CRAMP1: variants seen among roughly 807,000 people sequenced by gnomAD.
CRAMP1 encodes cramped chromatin regulator 1, also known as protein cramped-like.
CRAMP1 carries 50 observed loss-of-function variants against 115.4 expected under a neutral mutation model. The ratio of observed to expected loss-of-function variants is 0.43; its 90% confidence interval spans 0.35 to 0.55. The LOEUF is 0.55. Among genes scored for constraint, CRAMP1 ranks in the 20% least tolerant of loss-of-function variants. CRAMP1 has a pLI of 0.01. For missense variants in CRAMP1, 1,679 were observed against 1,721.7 expected, an observed-to-expected ratio of 0.98 and a Z score of 0.44; for synonymous variants, 866 against 745.4, an observed-to-expected ratio of 1.16 and a Z score of -2.64.
At chr16:1,654,675 C>T (rs945230497) in intron 8 of CRAMP1, among the ~76,000 whole-genome samples, 12 of 152,292 alleles carry the variant, frequency 7.9e-5, no homozygotes, top group East Asian at 1.9e-4. Context: ...CTCCCACGGC[C>T]GCCGGCACCT....
intron 4 of CRAMP1, among the ~76,000 whole-genome samples, chr16:1,637,574 G>A (rs554015396): frequency 6.6e-6 from 1 of 152,236 alleles, no homozygotes; most frequent in East Asian, 1.9e-4. Flanking sequence ...TCCTCCAGGG[G>A]ACATTTCCTC....
intron 10 of CRAMP1, 98 bp downstream of exon 10, chr16:1,657,090 G>A (rs2036783004): frequency 1.8e-6 from 2 of 1,131,912 alleles, no homozygotes; most frequent in African/African-American, 3.1e-5. Context: ...GCACGGTTGG[G>A]GTCCAGATGA....
intron 4 of CRAMP1, among the ~76,000 whole-genome samples, chr16:1,635,707 T>G (rs1596486362): frequency 6.6e-6 from 1 of 152,248 alleles, no homozygotes; most frequent in African/African-American, 2.4e-5. Context: ...ATTCACCCTT[T>G]TAAAGCATAC....
chr16:1,613,988 G>C (rs1377521105), intron 1 of CRAMP1, among the ~76,000 whole-genome samples: 1 of 151,838 alleles, frequency 6.6e-6, no homozygotes, highest in Non-Finnish European at 1.5e-5. Flanking sequence ...TTCCCCGTGC[G>C]GGCAGGCGAG....
In CRAMP1 at chr16:1,656,692, C is replaced by G; in HGVS notation, c.1935C>G (p.Ser645Arg). 3 of 1,561,774 alleles carry G rather than the reference C, an allele frequency of 1.9e-6. No homozygotes were observed. The highest frequency in any genetic ancestry group is 2.4e-5 in the East Asian group (1 of 41,570). ...CGGAGGAGCTCCAGGAGAAGGGGAG[C>G]CCCGCGGGGCCTCCGCCGTCTCAGG... Reference protein sequence around the residue: ...APAEELQEKGSPAGPPPSQGQ... With the variant: ...APAEELQEKGRPAGPPPSQGQ... Residue 645 changes from serine (S) to arginine (R), a missense_variant, in exon 10 of 21, where the codon AGC becomes AGG. By Grantham distance (110) the Ser-to-Arg change is moderately radical. This residue lies in a region of CRAMP1 where 405 missense variants were observed against 302.6 expected (regional missense o/e 1.34). Transcript: ENST00000397412. This position sits in a 1 kb window ranked among gnomAD's most constrained non-coding sequence, Gnocchi z 5.6.
At position 1,625,953 on chromosome 16, in the gene CRAMP1, T is replaced by C. The variant is rs1220616635; in HGVS notation, c.347-20T>C. ...GCCAGCTTTCTGGAACAGATCACTG[T>C]ACGGTGCTTTCTCTCCAAGGAGCTG... is the stretch of plus-strand genomic sequence containing the variant. On this transcript the variant is annotated intron_variant, in intron 2 of 20. Coordinates refer to ENST00000397412, the MANE Select transcript of CRAMP1 (RefSeq NM_020825.4). 1.3e-6 allele frequency: 2 copies of C among 1,551,258 alleles called. No homozygotes were observed. Among genetic ancestry groups the C allele is most frequent in the East Asian group, 4.9e-5 (2 of 40,904 alleles).
intron 11 of CRAMP1, 151 bp from the exon 12 acceptor site, chr16:1,662,339 G>A (rs2036839195): frequency 3.1e-6 from 2 of 640,708 alleles, no homozygotes; most frequent in Non-Finnish European, 5.5e-6. Context: ...CAGTCTTTAT[G>A]TGGGACTGAG....
At position 1,662,895 on chromosome 16, in the gene CRAMP1, G is replaced by T; in HGVS notation, c.2670+60G>T. ...GTGGCTGGGCCAACCAGGACACAGG[G>T]CTTCTTCCCTCTCTCACATTTTCAT... On this transcript the variant is annotated intron_variant, in intron 13 of 20. Coordinates refer to ENST00000397412, the MANE Select transcript of CRAMP1 (RefSeq NM_020825.4). 3 of 1,312,566 alleles carry T rather than the reference G, an allele frequency of 2.3e-6. No individual in the cohort carries two copies. In the South Asian group the frequency reaches 3.8e-5, roughly 16 times the overall value. The allele number at this position is 1,312,566 out of a possible 1,614,324, so 81.3% of individuals were successfully genotyped here. A position where few individuals can be genotyped will look rare whatever the true frequency, so the allele number is the denominator to read the frequency against.
rs139053812 is a variant in CRAMP1 at position 1,653,186 on chromosome 16, C to T, written c.1037+30C>T. The T allele has an allele frequency of 9.6e-3, 15,256 of 1,596,716 alleles. 100 individuals are homozygous for T. Among genetic ancestry groups the T allele is most frequent in the Non-Finnish European group, 0.012 (13,571 of 1,172,088 alleles). ...CATGGCCCTTGGCACGCAGAGGGGT[C>T]CCAACTGCTTGAGCAGGACTGGAAG... On this transcript the variant is annotated intron_variant, in intron 8 of 20. Coordinates refer to ENST00000397412, the MANE Select transcript of CRAMP1 (RefSeq NM_020825.4).
At chr16:1,667,248 C>G in intron 16 of CRAMP1, 87 bp from the exon 17 acceptor site, 1 of 1,102,876 alleles carries the variant, frequency 9.1e-7, no homozygotes, top group Non-Finnish European at 1.4e-6. Context: ...GATGGAACGC[C>G]TCTTTTTCTG....
intron 1 of CRAMP1, among the ~76,000 whole-genome samples, chr16:1,613,512 C>CTAA (rs1377836999): frequency 1.2e-4 from 19 of 152,340 alleles, no homozygotes; most frequent in African/African-American, 4.1e-4. Context: ...GCTGAGGAAT[C>CTAA]TAATCTTCAG....
rs1448343975 is a variant in CRAMP1, at chr16:1,664,979, G to A, written c.2671-78G>A. ...GCTATGCTGGGCACCCTCTTACTTG[G>A]GACATTCCTTTGTAACTGGGAGTGA... On this transcript the variant is annotated intron_variant, in intron 13 of 20. Coordinates refer to ENST00000397412, the MANE Select transcript of CRAMP1 (RefSeq NM_020825.4). 4 of 997,290 alleles carry A rather than the reference G, an allele frequency of 4.0e-6. No homozygotes were observed. In the Admixed American group the frequency reaches 7.2e-5, roughly 18 times the overall value. The allele number at this position is 997,290 out of a possible 1,614,324, so 61.8% of individuals were successfully genotyped here.
chr16:1,663,519 T>A (rs1322092559), intron 13 of CRAMP1, among the ~76,000 whole-genome samples: 2 of 152,238 alleles, frequency 1.3e-5, no homozygotes, highest in East Asian at 3.8e-4. Flanking sequence ...AGATCAGGGT[T>A]GAAAACTATG....
intron 2 of CRAMP1, among the ~76,000 whole-genome samples, chr16:1,625,251 C>T (rs1403635810): frequency 2.0e-5 from 3 of 152,064 alleles, no homozygotes; most frequent in Non-Finnish European, 4.4e-5. Flanking sequence ...CCTCCGGTCT[C>T]GGAGGAGCCT....
Position 1,664,970 on chromosome 16 carries a change from T to C in CRAMP1, c.2671-87T>C, listed in dbSNP as rs138580843. ...CCCCACCTGGCTATGCTGGGCACCC[T>C]CTTACTTGGGACATTCCTTTGTAAC... On this transcript the variant is annotated intron_variant, in intron 13 of 20. Transcript: ENST00000397412. 52 of 925,456 alleles carry C rather than the reference T, an allele frequency of 5.6e-5. No individual in the cohort carries two copies. In the African/African-American group the frequency reaches 6.3e-4, roughly 11 times the overall value. The allele number at this position is 925,456 out of a possible 1,614,324, so 57.3% of individuals were successfully genotyped here. A position where few individuals can be genotyped will look rare whatever the true frequency, so the allele number is the denominator to read the frequency against.
intron 2 of CRAMP1, among the ~76,000 whole-genome samples, chr16:1,623,274 G>C (rs561881757): frequency 6.6e-6 from 1 of 152,344 alleles, no homozygotes; most frequent in Admixed American, 6.5e-5. Context: ...TCTGAGGAGT[G>C]AGTGCCGCTT....
At chr16:1,637,936 C>T (rs186646671) in intron 5 of CRAMP1, 29 bp downstream of exon 5, 15 of 1,228,652 alleles carry the variant, frequency 1.2e-5, no homozygotes, top group African/African-American at 9.3e-5. Flanking sequence ...GGGTTGCCCA[C>T]GGCTCCTCCT....
intron 6 of CRAMP1, chr16:1,645,472 T>C (rs2142189507): frequency 6.0e-6 from 1 of 166,296 alleles, no homozygotes; most frequent in South Asian, 1.2e-4. Context: ...ACAGGTATAA[T>C]TAACACTTTG....
Position 1,656,444 on chromosome 16 carries a change from C to G in CRAMP1, c.1687C>G (p.Arg563Gly), listed in dbSNP as rs577488354. The stretch of plus-strand genomic sequence containing the variant: ...GCTCTCGCTTCTAGACCCCTTGCCC[C>G]GCTACCTAAAGTCCTGTCAGGACCT... ...DELSLLDPLP[R>G]YLKSCQDLIV... Residue 563 changes from arginine (R) to glycine (G), a missense_variant, in exon 10 of 21, where the codon CGC becomes GGC. Coordinates refer to ENST00000397412, the MANE Select transcript of CRAMP1 (RefSeq NM_020825.4). This position sits in a 1 kb window ranked among gnomAD's most constrained non-coding sequence, Gnocchi z 5.6. 1.3e-6 allele frequency: 2 copies of G among 1,584,042 alleles called. No homozygotes were observed. Among genetic ancestry groups the G allele is most frequent in the African/African-American group, 2.7e-5 (2 of 74,184 alleles).
Sources: allele counts gnomAD v4.1 joint callset (sites outside exome capture counted in the v4.1 genomes callset), GRCh38; gene constraint gnomAD v4.1.1; regional missense constraint gnomAD v4.1.1; non-coding constraint Gnocchi (gnomAD v3.1); transcripts MANE v1.5; gene names NCBI Gene and HGNC (gene_info 2026-07-23, HGNC 2026-07-21).